The following CRPPA variants were observed in gnomAD, a reference collection of about 807,000 sequenced individuals.
CRPPA encodes the protein D-ribitol-5-phosphate cytidylyltransferase.
CRPPA carries 43 observed loss-of-function variants against 52.0 expected under a neutral mutation model. The ratio of observed to expected loss-of-function variants is 0.83; its 90% confidence interval spans 0.65 to 1.07. The LOEUF (loss-of-function observed/expected upper bound fraction) is 1.07. CRPPA is among the 50% of genes least tolerant of loss of function. The pLI is 0.00. For synonymous variants in CRPPA, 250 were observed against 203.5 expected, an observed-to-expected ratio of 1.23 and a Z score of -1.94; for missense variants, 629 against 551.7, an observed-to-expected ratio of 1.14 and a Z score of -1.40.
chr7:16,191,464 G>A (rs1781607805), intron 9 of CRPPA, among the ~76,000 whole-genome samples: 1 of 152,024 alleles, frequency 6.6e-6, no homozygotes, highest in Non-Finnish European at 1.5e-5. Flanking sequence ...TTTGATAATG[G>A]TGGTGTGGCT....
chr7:16,334,248 C>T (rs1191280077), intron 3 of CRPPA, among the ~76,000 whole-genome samples: 2 of 152,180 alleles, frequency 1.3e-5, no homozygotes, highest in Non-Finnish European at 2.9e-5. Context: ...CAAGAAGCAA[C>T]TACAGGTCAG....
chr7:16,347,502 C>T (rs761334806), intron 3 of CRPPA, among the ~76,000 whole-genome samples: 18 of 152,064 alleles, frequency 1.2e-4, no homozygotes, highest in Admixed American at 1.3e-4. Flanking sequence ...TTAAATAATG[C>T]CACTATTTTA....
At chr7:16,303,410 G>A (rs955956010) in intron 4 of CRPPA, among the ~76,000 whole-genome samples, 3 of 143,618 alleles carry the variant, frequency 2.1e-5, no homozygotes, top group South Asian at 2.2e-4. Context: ...GTAATAATAC[G>A]GTGGGAATTT....
intron 9 of CRPPA, among the ~76,000 whole-genome samples, chr7:16,162,525 C>G (rs896450611): frequency 2.6e-5 from 4 of 152,180 alleles, no homozygotes; most frequent in African/African-American, 4.8e-5. Context: ...AATTTGATTG[C>G]ACTGTGGTCT....
chr7:16,093,339 C>T (rs749027762), intron 9 of CRPPA, among the ~76,000 whole-genome samples: 5 of 152,158 alleles, frequency 3.3e-5, no homozygotes, highest in African/African-American at 2.4e-5. Flanking sequence ...ACCTTCTTCA[C>T]TCCTATTTGC....
At chr7:16,361,416 A>G (rs1216489081) in intron 3 of CRPPA, among the ~76,000 whole-genome samples, 2 of 152,236 alleles carry the variant, frequency 1.3e-5, no homozygotes, top group African/African-American at 4.8e-5. Flanking sequence ...ACCCATGTGC[A>G]TTAGCAGCAT....
intron 9 of CRPPA, among the ~76,000 whole-genome samples, chr7:16,160,121 G>C (rs979495805): frequency 6.6e-6 from 1 of 152,104 alleles, no homozygotes; most frequent in African/African-American, 2.4e-5. Flanking sequence ...TAGGTTGCCT[G>C]TTCACTCTGA....
At chr7:16,371,393 C>A (rs200417805) in intron 3 of CRPPA, among the ~76,000 whole-genome samples, 4 of 152,126 alleles carry the variant, frequency 2.6e-5, no homozygotes, top group East Asian at 3.9e-4. Context: ...CCAACTCCTA[C>A]AATCAGCATC....
chr7:16,244,712 C>T (rs1011076934), intron 8 of CRPPA, among the ~76,000 whole-genome samples: 2 of 152,108 alleles, frequency 1.3e-5, no homozygotes, highest in Non-Finnish European at 2.9e-5. Context: ...ATTGAAAAGC[C>T]TCATAAATGT....
chr7:16,304,606 ACTCCAGC>A (rs1784867545), intron 4 of CRPPA, among the ~76,000 whole-genome samples: 1 of 152,066 alleles, frequency 6.6e-6, no homozygotes, highest in African/African-American at 2.4e-5. Flanking sequence ...TTGCCACTGC[ACTCCAGC>A]CTGGGTGACA....
At chr7:16,169,861 A>C (rs1241549345) in intron 9 of CRPPA, among the ~76,000 whole-genome samples, 1 of 152,250 alleles carries the variant, frequency 6.6e-6, no homozygotes, top group African/African-American at 2.4e-5. Context: ...GAAAACAAGA[A>C]GCACTCACTG....
chr7:16,219,943 T>G (rs1210017845), intron 8 of CRPPA, among the ~76,000 whole-genome samples: 1 of 148,248 alleles, frequency 6.7e-6, no homozygotes, highest in African/African-American at 2.5e-5. Flanking sequence ...ACTCATTTTA[T>G]GAGGCCAACA....
intron 6 of CRPPA, chr7:16,269,178 C>T (rs1266674615): frequency 6.6e-6 from 1 of 152,098 alleles, no homozygotes; most frequent in East Asian, 1.9e-4. Context: ...CTTCCATCTC[C>T]ACAGCACTGT....
At chr7:16,106,691 G>A (rs963761556) in intron 9 of CRPPA, among the ~76,000 whole-genome samples, 1 of 152,118 alleles carries the variant, frequency 6.6e-6, no homozygotes, top group African/African-American at 2.4e-5. Context: ...TGTCTCAAAT[G>A]TACAGACAAC....
intron 3 of CRPPA, among the ~76,000 whole-genome samples, chr7:16,312,304 C>A (rs1208574143): frequency 1.3e-5 from 2 of 151,894 alleles, no homozygotes; most frequent in Non-Finnish European, 2.9e-5. Context: ...CAGAGTTTTG[C>A]AGTTTTCCTC....
At chr7:16,412,687 C>T (rs941287920) in intron 1 of CRPPA, among the ~76,000 whole-genome samples, 3 of 152,052 alleles carry the variant, frequency 2.0e-5, no homozygotes, top group African/African-American at 7.2e-5. Context: ...CAGTGTCTAC[C>T]GATCAAATAT....
chr7:16,112,151 C>T (rs1562509612), intron 9 of CRPPA, among the ~76,000 whole-genome samples: 1 of 152,044 alleles, frequency 6.6e-6, no homozygotes, highest in African/African-American at 2.4e-5. Flanking sequence ...CCCATCTCTA[C>T]TAAAAATACA....
intron 2 of CRPPA, among the ~76,000 whole-genome samples, chr7:16,398,535 G>A (rs974917416): frequency 5.9e-5 from 9 of 152,166 alleles, no homozygotes; most frequent in Non-Finnish European, 1.0e-4. Context: ...TGTGACAAAT[G>A]ATCGACATAA....
At chr7:16,364,585 T>C (rs1310193492) in intron 3 of CRPPA, among the ~76,000 whole-genome samples, 1 of 152,212 alleles carries the variant, frequency 6.6e-6, no homozygotes, top group Non-Finnish European at 1.5e-5. Flanking sequence ...TCAGTGAAAT[T>C]GGCATGATAC....
Sources: allele counts gnomAD v4.1 joint callset (sites outside exome capture counted in the v4.1 genomes callset), GRCh38; gene constraint gnomAD v4.1.1; transcripts MANE v1.5; gene names NCBI Gene and HGNC (gene_info 2026-07-23, HGNC 2026-07-21).